The following BIRC6 variants were observed in gnomAD, a reference collection of about 807,000 sequenced individuals.
BIRC6 encodes the protein dual E2 ubiquitin-conjugating enzyme/E3 ubiquitin-protein ligase BIRC6.
In BIRC6, 98 loss-of-function variants were observed where a neutral mutation model predicts 503.3. That is an observed-to-expected ratio of 0.19 (90% CI 0.17 to 0.23). The LOEUF (loss-of-function observed/expected upper bound fraction) is 0.23, where lower values mean the gene tolerates loss of function less well. BIRC6 is among the 10% of genes least tolerant of loss of function. The probability of loss-of-function intolerance (pLI) is 1.00; values close to 1 mark genes in which losing one functional copy is unlikely to be tolerated. For missense variants in BIRC6, 5,360 were observed against 5,806.0 expected (o/e 0.92, Z 2.50); for synonymous variants, 2,240 against 2,078.7 (o/e 1.08, Z -2.11).
Position 32,415,903 on chromosome 2 carries a change from A to T in BIRC6, c.2612A>T (p.Glu871Val), listed in dbSNP as rs1385396240. Residue 871 changes from glutamate to valine, a missense_variant, in exon 10 of 74, where the codon GAG becomes GTG. By Grantham distance (121) the Glu-to-Val change is moderately radical. This residue lies in a region of BIRC6 where 700 missense variants were observed against 739.3 expected (regional missense o/e 0.95). Transcript: ENST00000421745. Reference sequence around the variant, plus strand: ...CCACCCGATATATTGGATAATCGAGAGGATGACTGTGAGGAACCTATTGAG... The same window carrying T: ...CCACCCGATATATTGGATAATCGAGTGGATGACTGTGAGGAACCTATTGAG... ...LLPPDILDNR[E>V]DDCEEPIEDM... 1 of 1,613,912 alleles carries T rather than the reference A, an allele frequency of 6.2e-7. No individual in the cohort carries two copies. The highest frequency in any genetic ancestry group is 1.3e-5 in the African/African-American group (1 of 74,932).
intron 21 of BIRC6, 59 bp from the exon 22 acceptor site, chr2:32,448,736 G>A: frequency 6.5e-7 from 1 of 1,528,526 alleles, no homozygotes; most frequent in Non-Finnish European, 8.9e-7. Context: ...CTAAGTAAAG[G>A]TAATTTGTTA....
At position 32,357,531 on chromosome 2, in the gene BIRC6, G is replaced by C; in HGVS notation, c.325+45G>C. ...GGCGGGCGCGAAGCCGGGGAAAGAAGCCGTCCAGCCCCGGGGCTCGGCCTC... is the reference window on the plus strand; with the variant it reads ...GGCGGGCGCGAAGCCGGGGAAAGAACCCGTCCAGCCCCGGGGCTCGGCCTC... On this transcript the variant is annotated intron_variant, in intron 1 of 73. Transcript: ENST00000421745. This position sits in a 1 kb window ranked among gnomAD's most constrained non-coding sequence, Gnocchi z 4.9. 1 of 1,528,948 alleles carries C rather than the reference G, an allele frequency of 6.5e-7. No individual in the cohort carries two copies. The highest frequency in any genetic ancestry group is 8.8e-7 in the Non-Finnish European group (1 of 1,139,334). The allele number at this position is 1,528,948 out of a possible 1,614,324, so 94.7% of individuals were successfully genotyped here.
At position 32,470,218 on chromosome 2, in the gene BIRC6, G is replaced by T; in HGVS notation, c.6398G>T (p.Gly2133Val). The T allele has an allele frequency of 6.4e-7, 1 of 1,572,626 alleles. No homozygotes were observed. Among genetic ancestry groups the T allele is most frequent in the East Asian group, 2.3e-5 (1 of 43,578 alleles). ...GGTCAAAGATCACTTAGTAATAGTG[G>T]AGTATTAGAAAGCTTACTTAATCTC... ...CIGQRSLSNS[G>V]VLESLLNLLD... Residue 2133 changes from glycine to valine, a missense_variant, in exon 31 of 74, where the codon GGA becomes GTA. Around this residue, in one of 16 missense-constraint regions of BIRC6, gnomAD observed 2,299 missense variants for 2,267.2 expected, o/e 1.01. Transcript: ENST00000421745.
chr2:32,430,624 C>T (rs368150144), intron 11 of BIRC6, among the ~76,000 whole-genome samples: 7 of 152,056 alleles, frequency 4.6e-5, no homozygotes, highest in South Asian at 2.1e-4. Flanking sequence ...TCTTCAATAG[C>T]GAGTATTGTC....
rs186198825 is a variant in BIRC6, at chr2:32,501,545, A to G, written c.9032-168A>G. Among the ~76,000 whole-genome samples, 396 of 152,196 alleles carry G rather than the reference A, an allele frequency of 2.6e-3. 1 individual carries two copies. Among genetic ancestry groups the G allele is most frequent in the African/African-American group, 9.2e-3 (381 of 41,530 alleles). On this transcript the variant is annotated intron_variant, in intron 46 of 73. Coordinates refer to ENST00000421745, the MANE Select transcript of BIRC6 (RefSeq NM_016252.4). The stretch of plus-strand genomic sequence containing the variant: ...TGGAAAAAGTGACTTTTCAGCTTCT[A>G]TATTTTAATTATTATTTGTTTCACC...
intron 69 of BIRC6, 23 bp from the exon 70 acceptor site, chr2:32,599,714 CTT>C: frequency 6.3e-7 from 1 of 1,598,524 alleles, no homozygotes; most frequent in Non-Finnish European, 8.6e-7. Context: ...TTAACATAGA[CTT>C]TTGTATGTTT....
chr2:32,476,353 T>G lies in BIRC6; in HGVS notation c.6852+9T>G, dbSNP rs1172296277. 9.0e-6 allele frequency: 14 copies of G among 1,561,884 alleles called. No homozygotes were observed. The highest frequency in any genetic ancestry group is 1.2e-5 in the Non-Finnish European group (14 of 1,154,596). ...AGCAGGCCACTTCAAAGGTATGATC[T>G]ATACTTTTCAATATAGTTATCTCAG... is the stretch of plus-strand genomic sequence containing the variant. On this transcript the variant is annotated intron_variant, in intron 34 of 73. Coordinates refer to ENST00000421745, the MANE Select transcript of BIRC6 (RefSeq NM_016252.4).
At chr2:32,376,015 C>T (rs1157629639) in intron 1 of BIRC6, among the ~76,000 whole-genome samples, 1 of 151,926 alleles carries the variant, frequency 6.6e-6, no homozygotes, top group African/African-American at 2.4e-5. Context: ...GAAACCCCAT[C>T]TTTGCTAAAA....
At chr2:32,579,988 C>G (rs2060558679) in intron 66 of BIRC6, among the ~76,000 whole-genome samples, 1 of 146,836 alleles carries the variant, frequency 6.8e-6, no homozygotes, top group South Asian at 2.2e-4. Flanking sequence ...GAGTCTCGCT[C>G]TCTCGGCCAG....
At chr2:32,399,309 C>T (rs924101001) in intron 6 of BIRC6, among the ~76,000 whole-genome samples, 17 of 152,236 alleles carry the variant, frequency 1.1e-4, no homozygotes, top group African/African-American at 2.4e-4. Context: ...TGGTCTGGAA[C>T]TCCTGACCTC....
At chr2:32,467,292 C>T (rs2048659390) in intron 26 of BIRC6, among the ~76,000 whole-genome samples, 1 of 152,180 alleles carries the variant, frequency 6.6e-6, no homozygotes, top group Non-Finnish European at 1.5e-5. Context: ...CCACTGTGCC[C>T]AGCTACTCTT....
At chr2:32,539,605 ATAC>A (rs2057502979) in intron 61 of BIRC6, among the ~76,000 whole-genome samples, 1 of 152,186 alleles carries the variant, frequency 6.6e-6, no homozygotes, top group African/African-American at 2.4e-5. Flanking sequence ...ATCACAATAG[ATAC>A]TACAAGATAT....
intron 23 of BIRC6, among the ~76,000 whole-genome samples, chr2:32,458,729 C>G (rs1210856743): frequency 1.7e-5 from 2 of 120,392 alleles, no homozygotes; most frequent in Non-Finnish European, 3.2e-5. Context: ...GTGAGACACT[C>G]TGTATCCCAG....
chr2:32,460,272 A>ATATAT (rs1278940587), intron 23 of BIRC6, among the ~76,000 whole-genome samples: 9 of 18,820 alleles, frequency 4.8e-4, no homozygotes, highest in African/African-American at 9.2e-4. Context: ...ATATATATAT[A>ATATAT]TTTTTTTTTT....
intron 12 of BIRC6, among the ~76,000 whole-genome samples, chr2:32,431,754 T>C (rs912549208): frequency 6.6e-6 from 1 of 152,212 alleles, no homozygotes; most frequent in African/African-American, 2.4e-5. Flanking sequence ...TTGTATTTAA[T>C]AAAAGCAGGC....
chr2:32,453,838 C>A lies in BIRC6; in HGVS notation c.4649C>A (p.Ala1550Asp), dbSNP rs775469388. Residue 1550 changes from alanine (A) to aspartate (D), a missense_variant, in exon 23 of 74, where the codon GCT becomes GAT. Physicochemically the swap from Ala to Asp is moderately radical, Grantham distance 126. Transcript: ENST00000421745. ...GNGKVSSCTA[A>D]EGSFTSLTGL... ...GGAAAGGTCAGTAGTTGCACAGCTGCTGAGGGTAGTTTCACATCTCTCACT... is the reference window on the plus strand; with the variant it reads ...GGAAAGGTCAGTAGTTGCACAGCTGATGAGGGTAGTTTCACATCTCTCACT... 6.2e-7 allele frequency: 1 copy of A among 1,613,648 alleles called. No individual in the cohort carries two copies. Among genetic ancestry groups the A allele is most frequent in the Non-Finnish European group, 8.5e-7 (1 of 1,179,726 alleles).
At chr2:32,502,959 T>C (rs1460498069) in intron 48 of BIRC6, 68 bp downstream of exon 48, 2 of 1,518,528 alleles carry the variant, frequency 1.3e-6, no homozygotes, top group East Asian at 2.3e-5. Flanking sequence ...TTTTCATTTT[T>C]GTAGTCTTTT....
intron 1 of BIRC6, among the ~76,000 whole-genome samples, chr2:32,365,665 G>A (rs574589821): frequency 3.3e-5 from 5 of 152,068 alleles, no homozygotes; most frequent in African/African-American, 1.2e-4. Context: ...AGTTCAACAA[G>A]TGTTTGTCTG....
chr2:32,549,590 A>G, intron 65 of BIRC6, 109 bp downstream of exon 65: 4 of 1,035,208 alleles, frequency 3.9e-6, no homozygotes, highest in Non-Finnish European at 5.1e-6. Context: ...TATTTCCTAA[A>G]AAGTATTCTG....
Sources: gnomAD v4.1 joint callset for allele counts (sites outside exome capture counted in the v4.1 genomes callset) on GRCh38, gnomAD v4.1.1 for gene constraint, gnomAD v4.1.1 regional missense constraint, Gnocchi (gnomAD v3.1) non-coding constraint, MANE v1.5 for transcripts, NCBI Gene and HGNC (gene_info 2026-07-23, HGNC 2026-07-21) for gene names.